The following OCA2 variants were observed in gnomAD, a reference collection of about 807,000 sequenced individuals.
The protein encoded by OCA2 is OCA2 melanosomal transmembrane protein.
A neutral mutation model predicts 100.2 loss-of-function variants in OCA2; 77 were observed. That is an observed-to-expected ratio of 0.77 (90% confidence interval 0.64 to 0.93). OCA2 has a LOEUF of 0.93. Ranked by LOEUF, OCA2 falls within the 40% of genes least tolerant of loss-of-function variation. The pLI is 0.00. For missense variants in OCA2, 1,062 were observed against 1,089.1 expected (o/e 0.98, Z 0.35); for synonymous variants, 432 against 439.2 (o/e 0.98, Z 0.21).
intron 23 of OCA2, among the ~76,000 whole-genome samples, chr15:27,844,100 T>C (rs957423235): frequency 1.4e-4 from 21 of 152,298 alleles, no homozygotes; most frequent in African/African-American, 5.1e-4. Flanking sequence ...GTTTGCAATG[T>C]GCAGTGTGCT....
chr15:27,813,547 G>A (rs971229504), intron 23 of OCA2, among the ~76,000 whole-genome samples: 1 of 152,190 alleles, frequency 6.6e-6, no homozygotes, highest in African/African-American at 2.4e-5. Context: ...TACTTTCAAA[G>A]CAGAGTAAAA....
intron 9 of OCA2, among the ~76,000 whole-genome samples, chr15:27,994,594 T>C (rs554964590): frequency 6.6e-6 from 1 of 152,326 alleles, no homozygotes; most frequent in African/African-American, 2.4e-5. Flanking sequence ...GCCTATGAGT[T>C]TCTTTGGCAA....
intron 2 of OCA2, among the ~76,000 whole-genome samples, chr15:28,039,372 C>T (rs564380563): frequency 5.6e-4 from 86 of 152,268 alleles, no homozygotes; most frequent in African/African-American, 2.0e-3. Flanking sequence ...GCACATGAAA[C>T]GTTTTCCAGA....
intron 18 of OCA2, among the ~76,000 whole-genome samples, chr15:27,928,255 G>A (rs1483235457): frequency 6.6e-6 from 1 of 152,066 alleles, no homozygotes; most frequent in African/African-American, 2.4e-5. Context: ...CAATGAAATA[G>A]AAAATGGAAA....
chr15:27,779,137 T>C (rs1457518507), intron 23 of OCA2, among the ~76,000 whole-genome samples: 1 of 152,214 alleles, frequency 6.6e-6, no homozygotes, highest in Non-Finnish European at 1.5e-5. Flanking sequence ...AAAAGATCCT[T>C]GGTATGATTC....
intron 9 of OCA2, among the ~76,000 whole-genome samples, chr15:28,002,185 CATG>C (rs1436987207): frequency 2.0e-5 from 3 of 152,202 alleles, no homozygotes; most frequent in African/African-American, 7.2e-5. Context: ...AGTAGCAAAA[CATG>C]AAGTAGGGGT....
chr15:28,024,823 C>T (rs1460234168), intron 5 of OCA2, 22 bp downstream of exon 5: 32 of 1,613,600 alleles, frequency 2.0e-5, no homozygotes, highest in Non-Finnish European at 2.7e-5. Flanking sequence ...AACAGTAGTG[C>T]TGGGGCAGCT....
rs36031742 is a variant in OCA2 at position 27,800,802 on chromosome 15, C to CAA, written c.2432+44155_2432+44156dup. ...CAACATGGTAAAACCCTATCTCTAC[C>CAA]AAAAAAAAAAAAAAAATTAGCCAGG... On this transcript the variant is annotated intron_variant, in intron 23 of 23. Coordinates refer to ENST00000354638, the MANE Select transcript of OCA2 (RefSeq NM_000275.3). Among the ~76,000 whole-genome samples the CAA allele has an allele frequency of 1.9e-3, 255 of 137,788 alleles. 1 individual carries two copies. The highest frequency in any genetic ancestry group is 7.6e-3 in the Middle Eastern group (2 of 264). The allele number at this position is 137,788 out of a possible 152,430, so 90.4% of individuals were successfully genotyped here.
Position 27,971,497 on chromosome 15 carries a change from C to G in OCA2, c.1504-4675G>C, listed in dbSNP as rs773524753. Among the ~76,000 whole-genome samples, 5 of 152,158 alleles carry G rather than the reference C, an allele frequency of 3.3e-5. No homozygotes were observed. In the South Asian group the frequency reaches 6.2e-4, roughly 19 times the overall value. On this transcript the variant is annotated intron_variant, in intron 14 of 23. Transcript: ENST00000354638. ...AGTGGGTTGGTGCGCGTGGATGCTA[C>G]AGCCAGGCCGACTCATGCTTACCCA...
intron 23 of OCA2, among the ~76,000 whole-genome samples, chr15:27,820,029 A>G (rs1460065903): frequency 6.6e-6 from 1 of 152,196 alleles, no homozygotes; most frequent in Non-Finnish European, 1.5e-5. Context: ...GCACCAATGG[A>G]GAGCGCTCCC....
At chr15:27,971,456 T>C (rs555530309) in intron 14 of OCA2, among the ~76,000 whole-genome samples, 109 of 152,100 alleles carry the variant, frequency 7.2e-4, no homozygotes, top group Non-Finnish European at 1.3e-3. Context: ...GTCAGCTTGT[T>C]AGGAGCTGAA....
chr15:27,721,487 T>G, the OCA2 span, among the ~76,000 whole-genome samples: 1 of 152,200 alleles, frequency 6.6e-6, no homozygotes, highest in Non-Finnish European at 1.5e-5. Context: ...AAAAATAGAA[T>G]TATATCATAG....
intron 19 of OCA2, among the ~76,000 whole-genome samples, chr15:27,901,238 AG>A (rs1468007168): frequency 6.6e-6 from 1 of 152,238 alleles, no homozygotes; most frequent in Non-Finnish European, 1.5e-5. Context: ...AACAGGCACA[AG>A]TGGAGGACTG....
chr15:28,067,033 C>T (rs371796200), intron 2 of OCA2, among the ~76,000 whole-genome samples: 2 of 152,186 alleles, frequency 1.3e-5, no homozygotes, highest in Non-Finnish European at 2.9e-5. Flanking sequence ...CTGCCTGTAA[C>T]TTTTGTCTCC....
chr15:27,730,478 C>A, the OCA2 span, among the ~76,000 whole-genome samples: 4 of 152,056 alleles, frequency 2.6e-5, no homozygotes, highest in Non-Finnish European at 4.4e-5. Flanking sequence ...ACTGGGTAGG[C>A]ATAATTGATT....
intron 15 of OCA2, among the ~76,000 whole-genome samples, chr15:27,964,407 T>C (rs1268329163): frequency 1.3e-5 from 2 of 152,230 alleles, no homozygotes; most frequent in African/African-American, 4.8e-5. Context: ...ACCATGTAAG[T>C]CATGCTCTCT....
At chr15:28,070,089 C>A (rs2044182745) in intron 2 of OCA2, among the ~76,000 whole-genome samples, 2 of 114,164 alleles carry the variant, frequency 1.8e-5, no homozygotes, top group African/African-American at 1.3e-4. Flanking sequence ...CTCTGCCCGG[C>A]CGAGACCCCG....
intron 18 of OCA2, 122 bp downstream of exon 18, chr15:27,951,662 C>T: frequency 1.3e-6 from 1 of 756,340 alleles, no homozygotes; most frequent in South Asian, 1.5e-5. Flanking sequence ...TCCATCTCAG[C>T]CCTCTCTGGC....
chr15:28,087,484 G>A (rs867240007), intron 1 of OCA2, among the ~76,000 whole-genome samples: 3 of 152,146 alleles, frequency 2.0e-5, no homozygotes, highest in Non-Finnish European at 4.4e-5. Flanking sequence ...GGTGGTTCAC[G>A]CCTATAATCC....
Sources: allele counts gnomAD v4.1 joint callset (sites outside exome capture counted in the v4.1 genomes callset), GRCh38; gene constraint gnomAD v4.1.1; transcripts MANE v1.5; gene names NCBI Gene and HGNC (gene_info 2026-07-23, HGNC 2026-07-21).